FAM120AOS: variants seen among roughly 807,000 people sequenced by gnomAD.
FAM120AOS encodes the protein family with sequence similarity 120 member A opposite strand, also known as uncharacterized protein FAM120AOS.
FAM120AOS carries 15 observed loss-of-function variants against 20.2 expected under a neutral mutation model. That is an observed-to-expected ratio of 0.74 (90% CI 0.50 to 1.15). The LOEUF (loss-of-function observed/expected upper bound fraction) is 1.15. Ranked by LOEUF, FAM120AOS falls within the 50% of genes most tolerant of loss-of-function variation. The pLI is 0.00. For synonymous variants in FAM120AOS, 154 were observed against 154.0 expected (o/e 1.00, Z 0.00); for missense variants, 327 against 351.9 (o/e 0.93, Z 0.57).
rs972569455 is a variant in FAM120AOS, at chr9:93,448,784, AT to A, written c.685-1088del. On this transcript the variant is annotated intron_variant, in intron 2 of 2. Transcript: ENST00000375412. ...AGGCGCCTGCCACCACGCCCGGCTA[AT>A]TTTTTTTTGTATTTTTTTTAGTAGA... Among the ~76,000 whole-genome samples, 7 of 150,302 alleles carry A rather than the reference AT, an allele frequency of 4.7e-5. No individual in the cohort carries two copies. The East Asian group carries it at 7.9e-4, about 17-fold the overall frequency.
chr9:93,449,492 ATTTTTTTTTT>A (rs10667664), intron 2 of FAM120AOS, among the ~76,000 whole-genome samples: 1 of 109,534 alleles, frequency 9.1e-6, no homozygotes, highest in East Asian at 2.7e-4. Context: ...TGGCACTGGC[ATTTTTTTTTT>A]TTTTTTTTTT....
intron 2 of FAM120AOS, among the ~76,000 whole-genome samples, chr9:93,449,839 T>C (rs1434897787): frequency 2.6e-5 from 4 of 151,862 alleles, no homozygotes; most frequent in Non-Finnish European, 4.4e-5. Context: ...AAAAGGTAAA[T>C]ACACGGAATG....
At position 93,452,612 on chromosome 9, in the gene FAM120AOS, C is replaced by T; in HGVS notation, c.98G>A (p.Arg33Gln). ...SQPSSVPTRPRTPNRDSWRRA... is the reference protein window; with the variant it reads ...SQPSSVPTRPQTPNRDSWRRA... ...TCTCCAGCTGTCCCTGTTCGGGGTC[C>T]GCGGCCGCGTGGGGACACTTGAGGG... Residue 33 changes from arginine to glutamine, a missense_variant, in exon 1 of 3, where the codon CGG becomes CAG. By Grantham distance (43) the Arg-to-Gln change is conservative. Around this residue, in one of 3 missense-constraint regions of FAM120AOS, gnomAD observed 155 missense variants for 128.8 expected, o/e 1.20. Coordinates refer to ENST00000375412, the MANE Select transcript of FAM120AOS (RefSeq NM_198841.4). The surrounding 1 kb of genome is among the most constrained non-coding windows in gnomAD (Gnocchi z 7.0). 2 of 1,599,048 alleles carry T rather than the reference C, an allele frequency of 1.3e-6. No homozygotes were observed. The highest frequency in any genetic ancestry group is 1.7e-4 in the Middle Eastern group (1 of 5,978).
rs1337665512 is a variant in FAM120AOS, at chr9:93,446,420, T to C, written c.*1191A>G. Reference sequence around the variant, plus strand: ...ATGTAACAGACCACTTAACAATAGCTAGTCTCTAAAATGTACATCTTAAAA... The same window carrying C: ...ATGTAACAGACCACTTAACAATAGCCAGTCTCTAAAATGTACATCTTAAAA... On this transcript the variant is annotated 3_prime_UTR_variant, in exon 3 of 3. Transcript: ENST00000375412. 6.6e-6 allele frequency: 1 copy of C among 152,142 alleles called. No individual in the cohort carries two copies. Among genetic ancestry groups the C allele is most frequent in the Non-Finnish European group, 1.5e-5 (1 of 68,028 alleles). The allele number at this position is 152,142 out of a possible 1,614,324, so 9.4% of individuals were successfully genotyped here.
Position 93,447,597 on chromosome 9 carries a change from T to C in FAM120AOS, c.*14A>G. The C allele has an allele frequency of 6.2e-7, 1 of 1,612,662 alleles. No homozygotes were observed. The highest frequency in any genetic ancestry group is 8.5e-7 in the Non-Finnish European group (1 of 1,178,858). On this transcript the variant is annotated 3_prime_UTR_variant, in exon 3 of 3. Coordinates refer to ENST00000375412, the MANE Select transcript of FAM120AOS (RefSeq NM_198841.4). ...TGTCCTTTCAATGCCTCTGCAGAAC[T>C]TGACCCTAGTTTTTCAAATTGGACT... is the stretch of plus-strand genomic sequence containing the variant.
intron 1 of FAM120AOS, chr9:93,451,345 C>G: frequency 8.4e-6 from 12 of 1,430,776 alleles, no homozygotes; most frequent in Non-Finnish European, 1.1e-5. Flanking sequence ...TTCGCGGCTT[C>G]CCTTCGCCCG....
chr9:93,444,178 T>G lies in FAM120AOS; in HGVS notation c.*3433A>C, dbSNP rs1856777050. Among the ~76,000 whole-genome samples the G allele has an allele frequency of 6.6e-6, 1 of 151,930 alleles. No individual in the cohort carries two copies. ...GCCTCAGCCTCCCGAGTAGCTGGAA[T>G]TATAGGCATGCACCACCACGCCCAG... is the stretch of plus-strand genomic sequence containing the variant. On this transcript the variant is annotated 3_prime_UTR_variant, in exon 3 of 3. Coordinates refer to ENST00000375412, the MANE Select transcript of FAM120AOS (RefSeq NM_198841.4).
At chr9:93,449,492 A>ATTTTTTTTTTTTT (rs10667664) in intron 2 of FAM120AOS, among the ~76,000 whole-genome samples, 1 of 109,534 alleles carries the variant, frequency 9.1e-6, no homozygotes, top group Non-Finnish European at 1.7e-5. Flanking sequence ...TGGCACTGGC[A>ATTTTTTTTTTTTT]TTTTTTTTTT....
chr9:93,452,722 G>C lies in FAM120AOS; in HGVS notation c.-13C>G. ...TAGTTTTTCCCATCCTATTTGAGGC[G>C]GGCAGGCTATCACTCACCTTCAACT... On this transcript the variant is annotated 5_prime_UTR_variant, in exon 1 of 3. Coordinates refer to ENST00000375412, the MANE Select transcript of FAM120AOS (RefSeq NM_198841.4). This position sits in a 1 kb window ranked among gnomAD's most constrained non-coding sequence, Gnocchi z 7.0. 6.3e-7 allele frequency: 1 copy of C among 1,598,342 alleles called. No individual in the cohort carries two copies.
chr9:93,450,920 C>G, intron 1 of FAM120AOS: 1 of 1,175,516 alleles, frequency 8.5e-7, no homozygotes, highest in Non-Finnish European at 1.2e-6. Flanking sequence ...AGTGGTAACG[C>G]AGGCTTTCCC....
chr9:93,448,163 G>T (rs1856925448), intron 2 of FAM120AOS, among the ~76,000 whole-genome samples: 1 of 152,184 alleles, frequency 6.6e-6, no homozygotes, highest in Admixed American at 6.5e-5. Flanking sequence ...ATCTGTTATT[G>T]TTGGTGGTTA....
At position 93,450,521 on chromosome 9, in the gene FAM120AOS, C is replaced by A. The variant is rs369518147; in HGVS notation, c.642G>T (p.Ala214=). 2.5e-6 allele frequency: 4 copies of A among 1,601,152 alleles called. No individual in the cohort carries two copies. The highest frequency in any genetic ancestry group is 1.8e-5 in the Admixed American group (1 of 57,082). The change falls in exon 2 of 3, where the codon GCG becomes GCT. Residue 214 remains alanine, a synonymous_variant. Transcript: ENST00000375412. ...QLLPSTWSLH[A]HGLAKEAPIL... ...TGGGGGCTTCTTTGGCCAAACCGTG[C>A]GCGTGCAGGCTCCATGTGCTGGGCA... is the stretch of plus-strand genomic sequence containing the variant.
intron 2 of FAM120AOS, among the ~76,000 whole-genome samples, chr9:93,450,131 C>A (rs1283201292): frequency 6.6e-6 from 1 of 152,128 alleles, no homozygotes; most frequent in Non-Finnish European, 1.5e-5. Flanking sequence ...GGATTACAGG[C>A]GCACACACCA....
chr9:93,451,351 GC>G, intron 1 of FAM120AOS: 3 of 1,427,358 alleles, frequency 2.1e-6, no homozygotes, highest in Non-Finnish European at 9.2e-7. Context: ...GCTTCCCTTC[GC>G]CCGAGAACCA....
At chr9:93,450,398 C>T in intron 2 of FAM120AOS, 81 bp downstream of exon 2, 1 of 1,488,104 alleles carries the variant, frequency 6.7e-7, no homozygotes, top group East Asian at 2.3e-5. Flanking sequence ...AAAATACCAG[C>T]AGCATTTAAT....
rs1032128049 is a variant in FAM120AOS at position 93,446,119 on chromosome 9, G to C, written c.*1492C>G. Among the ~76,000 whole-genome samples the C allele has an allele frequency of 5.9e-5, 9 of 152,304 alleles. No individual in the cohort carries two copies. The highest frequency in any genetic ancestry group is 3.3e-4 in the Admixed American group (5 of 15,296). On this transcript the variant is annotated 3_prime_UTR_variant, in exon 3 of 3. Transcript: ENST00000375412. Reference sequence around the variant, plus strand: ...TCCACCCTAAGGATAAAGTATTACAGTAACTTTCTTCCTGCCTTCCAGAGG... The same window carrying C: ...TCCACCCTAAGGATAAAGTATTACACTAACTTTCTTCCTGCCTTCCAGAGG...
intron 1 of FAM120AOS, chr9:93,451,443 G>C: frequency 8.1e-7 from 1 of 1,236,294 alleles, no homozygotes; most frequent in South Asian, 2.1e-5. Context: ...GGCCTGAGGC[G>C]GGCGAACGGC....
At chr9:93,449,889 A>C (rs1322357394) in intron 2 of FAM120AOS, among the ~76,000 whole-genome samples, 3 of 151,944 alleles carry the variant, frequency 2.0e-5, no homozygotes, top group South Asian at 2.1e-4. Context: ...AAAAACTACT[A>C]CTCCTCACCT....
intron 1 of FAM120AOS, 125 bp from the exon 2 acceptor site, chr9:93,450,724 C>T (rs755085145): frequency 4.5e-5 from 65 of 1,429,488 alleles, no homozygotes; most frequent in Non-Finnish European, 5.9e-5. Context: ...ATGTTTTATG[C>T]AAGCCTAATA....
Sources: allele counts gnomAD v4.1 joint callset (sites outside exome capture counted in the v4.1 genomes callset), GRCh38; gene constraint gnomAD v4.1.1; regional missense constraint gnomAD v4.1.1; non-coding constraint Gnocchi (gnomAD v3.1); transcripts MANE v1.5; gene names NCBI Gene and HGNC (gene_info 2026-07-23, HGNC 2026-07-21).